Variants in RAB38 observed in about 807,000 individuals in gnomAD.
RAB38 encodes ras-related protein Rab-38.
A neutral mutation model predicts 18.4 loss-of-function variants in RAB38; 15 were observed. The observed-to-expected ratio is 0.82, with a 90% CI of 0.55 to 1.26. RAB38 has a LOEUF of 1.26. Among genes scored for constraint, RAB38 ranks in the 50% most tolerant of loss-of-function variants. The pLI is 0.00. For missense variants in RAB38, 294 were observed against 267.4 expected (o/e 1.10, Z -0.69); for synonymous variants, 101 against 104.4 (o/e 0.97, Z 0.20).
chr11:87,926,611 G>T, the RAB38 span, among the ~76,000 whole-genome samples: 2 of 151,990 alleles, frequency 1.3e-5, no homozygotes, highest in African/African-American at 4.8e-5. Flanking sequence ...CAAGAGAGTT[G>T]CTATGTCATT....
chr11:88,026,985 T>C, the RAB38 span, among the ~76,000 whole-genome samples: 22 of 152,176 alleles, frequency 1.4e-4, no homozygotes, highest in African/African-American at 4.8e-4. Context: ...AAAAATACAA[T>C]TGATTTTTGC....
the RAB38 span, among the ~76,000 whole-genome samples, chr11:88,027,467 G>T: frequency 6.6e-6 from 1 of 152,144 alleles, no homozygotes; most frequent in East Asian, 1.9e-4. Flanking sequence ...CCCTTTCCTA[G>T]TCAAAGAAAG....
intron 1 of RAB38, among the ~76,000 whole-genome samples, chr11:88,161,879 T>C (rs1215299991): frequency 1.3e-5 from 2 of 152,110 alleles, no homozygotes; most frequent in South Asian, 2.1e-4. Flanking sequence ...GATACATGTG[T>C]TGGGGTCACA....
chr11:87,924,829 T>C, the RAB38 span, among the ~76,000 whole-genome samples: 1 of 152,050 alleles, frequency 6.6e-6, no homozygotes, highest in Non-Finnish European at 1.5e-5. Flanking sequence ...AGATCCAGTT[T>C]TTCCACTGCA....
In RAB38 at chr11:88,146,196, T is replaced by C. The variant is rs143360878; in HGVS notation, c.483+3479A>G. 8.7e-3 allele frequency among the ~76,000 whole-genome samples: 1,325 copies of C among 152,254 alleles called. 17 individuals are homozygous for C. The highest frequency in any genetic ancestry group is 0.02 in the African/African-American group (817 of 41,548). On this transcript the variant is annotated intron_variant, in intron 2 of 2. Coordinates refer to ENST00000243662, the MANE Select transcript of RAB38 (RefSeq NM_022337.3). The stretch of plus-strand genomic sequence containing the variant: ...TAGGATTGAAGAGCAAGAGGGTAAA[T>C]TTCCCTCAGCAGTGGGGTCAGTGGT...
the RAB38 span, among the ~76,000 whole-genome samples, chr11:87,833,874 T>A: frequency 6.6e-6 from 1 of 152,348 alleles, no homozygotes; most frequent in South Asian, 2.1e-4. Flanking sequence ...AACCTGTGAA[T>A]ATGTCACAAA....
At chr11:88,056,211 T>G in the RAB38 span, among the ~76,000 whole-genome samples, 1 of 152,222 alleles carries the variant, frequency 6.6e-6, no homozygotes. Context: ...CAATCAAGCC[T>G]ACTTTATGCC....
At chr11:88,021,728 T>C in the RAB38 span, among the ~76,000 whole-genome samples, 1 of 150,188 alleles carries the variant, frequency 6.7e-6, no homozygotes, top group East Asian at 2.0e-4. Context: ...GAGCTGAGAC[T>C]ACAGACCTAC....
chr11:87,809,469 C>T, the RAB38 span, among the ~76,000 whole-genome samples: 6 of 152,186 alleles, frequency 3.9e-5, no homozygotes, highest in African/African-American at 9.6e-5. Context: ...GGCCAAGTCA[C>T]GGTCTCTGAC....
chr11:87,823,145 T>G, the RAB38 span, among the ~76,000 whole-genome samples: 2 of 152,090 alleles, frequency 1.3e-5, no homozygotes, highest in East Asian at 3.8e-4. Flanking sequence ...ATTAAGAAAC[T>G]TGATTAGCAG....
At chr11:88,149,269 G>A (rs753538229) in intron 2 of RAB38, among the ~76,000 whole-genome samples, 1 of 152,182 alleles carries the variant, frequency 6.6e-6, no homozygotes, top group Admixed American at 6.5e-5. Flanking sequence ...ATGTACAGGT[G>A]AACATATTAA....
chr11:87,885,278 G>A, the RAB38 span, among the ~76,000 whole-genome samples: 4 of 148,350 alleles, frequency 2.7e-5, no homozygotes, highest in Non-Finnish European at 3.0e-5. Flanking sequence ...TGTACTGGGT[G>A]TGTCAGGTGT....
chr11:87,924,850 T>C, the RAB38 span, among the ~76,000 whole-genome samples: 1 of 152,002 alleles, frequency 6.6e-6, no homozygotes. Context: ...TCTCATTGCC[T>C]CTCATTGTGT....
intron 1 of RAB38, among the ~76,000 whole-genome samples, chr11:88,156,429 T>C (rs1052941381): frequency 1.3e-5 from 2 of 152,086 alleles, no homozygotes; most frequent in Admixed American, 1.3e-4. Flanking sequence ...CCCAGCTGGG[T>C]GCAGTGGCTC....
the RAB38 span, among the ~76,000 whole-genome samples, chr11:87,945,615 CAATT>C: frequency 6.6e-6 from 1 of 152,070 alleles, no homozygotes. Flanking sequence ...AAGCCCATGC[CAATT>C]AATTCATTCA....
the RAB38 span, among the ~76,000 whole-genome samples, chr11:87,973,975 A>G: frequency 1.3e-5 from 2 of 151,906 alleles, no homozygotes; most frequent in Non-Finnish European, 2.9e-5. Flanking sequence ...GACATGATCA[A>G]TAAAATCCAT....
chr11:88,015,210 A>C, the RAB38 span, among the ~76,000 whole-genome samples: 1 of 152,174 alleles, frequency 6.6e-6, no homozygotes, highest in Non-Finnish European at 1.5e-5. Flanking sequence ...CCAGCTATAC[A>C]GTGAGAGAAA....
At chr11:88,008,222 TC>T in the RAB38 span, among the ~76,000 whole-genome samples, 1 of 152,138 alleles carries the variant, frequency 6.6e-6, no homozygotes, top group African/African-American at 2.4e-5. Context: ...AAATTATACT[TC>T]TATTTTTTAA....
intron 2 of RAB38, among the ~76,000 whole-genome samples, chr11:88,125,659 G>A (rs1290171996): frequency 2.0e-5 from 3 of 152,146 alleles, no homozygotes; most frequent in Non-Finnish European, 4.4e-5. Flanking sequence ...CTCCCATTCT[G>A]TACGTTGCCT....
Sources: gnomAD v4.1 joint callset for allele counts (sites outside exome capture counted in the v4.1 genomes callset) on GRCh38, gnomAD v4.1.1 for gene constraint, MANE v1.5 for transcripts, NCBI Gene and HGNC (gene_info 2026-07-23, HGNC 2026-07-21) for gene names.